The following TEX11 variants were observed in gnomAD, a reference collection of about 807,000 sequenced individuals.
The protein encoded by TEX11 is testis-expressed protein 11.
In TEX11, 7 loss-of-function variants were observed where a neutral mutation model predicts 84.4. The observed-to-expected ratio is 0.08, with a 90% CI of 0.05 to 0.16. The LOEUF is 0.16. Among genes scored for constraint, TEX11 ranks in the 10% least tolerant of loss-of-function variants. TEX11 has a pLI of 1.00. For missense variants in TEX11, 551 were observed against 660.5 expected (o/e 0.83, Z 1.82); for synonymous variants, 264 against 222.8 (o/e 1.18, Z -1.64).
Position 70,894,665 on chromosome X carries a change from A to G in TEX11, c.37+13088T>C, listed in dbSNP as rs777689604. Among the ~76,000 whole-genome samples, 4 of 110,758 alleles carry G rather than the reference A, an allele frequency of 3.6e-5. No individual in the cohort carries two copies. The South Asian group carries it at 1.5e-3, about 43-fold the overall frequency. The stretch of plus-strand genomic sequence containing the variant: ...ACTGGCAAACCAAATCCAGCAGCAC[A>G]TCAAAAAGGCTTATCCACCACGATC... On this transcript the variant is annotated intron_variant, in intron 2 of 29. Coordinates refer to ENST00000374333, the MANE Select transcript of TEX11 (RefSeq NM_031276.3).
chrX:70,784,481 G>A (rs888090608), intron 9 of TEX11, among the ~76,000 whole-genome samples: 17 of 111,505 alleles, frequency 1.5e-4, no homozygotes, highest in Admixed American at 1.4e-3. Context: ...TCTGGCTAGG[G>A]CAATTAGGCA....
rs757641244 is a variant in TEX11 at position 70,761,265 on chromosome X, T to C, written c.693-17046A>G. On this transcript the variant is annotated intron_variant, in intron 9 of 29. Coordinates refer to ENST00000374333, the MANE Select transcript of TEX11 (RefSeq NM_031276.3). ...CCCAGCCATCCCATTAGTGGGTATA[T>C]ACCCAAAGGATTATAAATCACGCTA... Among the ~76,000 whole-genome samples the C allele has an allele frequency of 4.8e-4, 54 of 112,148 alleles. 2 individuals are homozygous for C. Among genetic ancestry groups the C allele is most frequent in the Non-Finnish European group, 9.4e-5 (5 of 53,268 alleles).
chrX:70,645,289 T>C (rs1331244930), intron 17 of TEX11, among the ~76,000 whole-genome samples: 2 of 103,680 alleles, frequency 1.9e-5, no homozygotes, highest in Non-Finnish European at 4.0e-5. Flanking sequence ...TTCCATGATT[T>C]AAAAAAAAAA....
rs2089423767 is a variant in TEX11, at chrX:70,623,990, G to C, written c.1711C>G (p.Leu571Val). The C allele has an allele frequency of 8.3e-7, 1 of 1,205,224 alleles. No homozygotes were observed. Among genetic ancestry groups the C allele is most frequent in the East Asian group, 3.0e-5 (1 of 33,600 alleles). Reference sequence around the variant, plus strand: ...GGCATTTCAGCAATTTTTGGAAGAAGAAAACGAAGCAAACACCTGTATGAC... The same window carrying C: ...GGCATTTCAGCAATTTTTGGAAGAACAAAACGAAGCAAACACCTGTATGAC... ...LTAVKCLLRF[L>V]LPKIAEMPES... Residue 571 changes from leucine (L) to valine (V), a missense_variant, in exon 20 of 30, where the codon CTT becomes GTT. Transcript: ENST00000374333.
chrX:70,705,571 G>A (rs1172020520), intron 13 of TEX11, among the ~76,000 whole-genome samples: 1 of 111,316 alleles, frequency 9.0e-6, no homozygotes, highest in Non-Finnish European at 1.9e-5. Flanking sequence ...CTGACAAAGG[G>A]CTAATATCCA....
chrX:70,552,204 C>T lies in TEX11; in HGVS notation c.2442G>A (p.Gly814=), dbSNP rs1479776809. 8.3e-7 allele frequency: 1 copy of T among 1,210,512 alleles called. No homozygotes were observed. The highest frequency in any genetic ancestry group is 1.1e-6 in the Non-Finnish European group (1 of 895,006). ...HNLVNLSVPD[G]ASNVELCPLE... is the part of the protein sequence containing the mutation. The stretch of plus-strand genomic sequence containing the variant: ...GGGGACAGAGCTCTACATTCGACGC[C>T]CCATCTGGCACTGAGAGGTTAACCA... Residue 814 remains glycine (G), a synonymous_variant, in exon 28 of 30, where the codon GGG becomes GGA. Coordinates refer to ENST00000374333, the MANE Select transcript of TEX11 (RefSeq NM_031276.3).
At chrX:70,734,200 G>A (rs1466858016) in intron 11 of TEX11, among the ~76,000 whole-genome samples, 3 of 110,340 alleles carry the variant, frequency 2.7e-5, no homozygotes, top group African/African-American at 9.9e-5. Context: ...TATACCTAAT[G>A]TTAAATGACG....
At chrX:70,616,399 A>G (rs1252355257) in intron 20 of TEX11, among the ~76,000 whole-genome samples, 1 of 111,816 alleles carries the variant, frequency 8.9e-6, no homozygotes, top group Non-Finnish European at 1.9e-5. Context: ...GTTAAAAGAT[A>G]TTATTTGCAA....
intron 2 of TEX11, among the ~76,000 whole-genome samples, chrX:70,906,657 C>T (rs1031134719): frequency 6.3e-4 from 70 of 110,313 alleles, no homozygotes; most frequent in Non-Finnish European, 3.4e-4. Context: ...CATGGTGGCG[C>T]GGGCCTGTAG....
At chrX:70,713,088 T>G (rs1569414465) in intron 13 of TEX11, among the ~76,000 whole-genome samples, 1 of 111,978 alleles carries the variant, frequency 8.9e-6, no homozygotes, top group Non-Finnish European at 1.9e-5. Context: ...TATGCTGGAT[T>G]ACGTTTATTG....
At chrX:70,753,041 C>A (rs889343128) in intron 9 of TEX11, among the ~76,000 whole-genome samples, 1 of 110,319 alleles carries the variant, frequency 9.1e-6, no homozygotes, top group African/African-American at 3.3e-5. Flanking sequence ...ATTGCTGATC[C>A]TAGCAGTCAG....
chrX:70,529,930 T>C lies in TEX11; in HGVS notation c.2590A>G (p.Ser864Gly), dbSNP rs1484882277. 20 of 1,211,496 alleles carry C rather than the reference T, an allele frequency of 1.7e-5. No homozygotes were observed. ...KSWNTGVLMF[S>G]RSKYASAEKW... Reference sequence around the variant, plus strand: ...TCAGCAGATGCATACTTGCTCCTGCTAAACATAAGTACTCCGGTATTCCAG... The same window carrying C: ...TCAGCAGATGCATACTTGCTCCTGCCAAACATAAGTACTCCGGTATTCCAG... The change falls in exon 29 of 30, where the codon AGC becomes GGC. Residue 864 changes from serine (S) to glycine (G), a missense_variant. Coordinates refer to ENST00000374333, the MANE Select transcript of TEX11 (RefSeq NM_031276.3).
chrX:70,704,742 T>C (rs183378513), intron 13 of TEX11, among the ~76,000 whole-genome samples: 85 of 111,192 alleles, frequency 7.6e-4, no homozygotes, highest in South Asian at 5.8e-3. Flanking sequence ...CCATTTCCTA[T>C]TCTGGAATCT....
At chrX:70,557,112 G>T (rs972945612) in intron 25 of TEX11, among the ~76,000 whole-genome samples, 9 of 109,668 alleles carry the variant, frequency 8.2e-5, no homozygotes, top group Non-Finnish European at 1.7e-4. Flanking sequence ...CAATGAGTAA[G>T]CTGAAAATAA....
At chrX:70,641,276 G>C (rs1286868984) in intron 17 of TEX11, among the ~76,000 whole-genome samples, 1 of 111,100 alleles carries the variant, frequency 9.0e-6, no homozygotes, top group Admixed American at 9.6e-5. Flanking sequence ...AGCAAGTCCT[G>C]AGTGACCTAC....
At chrX:70,624,115 A>G in intron 19 of TEX11, 109 bp from the exon 20 acceptor site, 1 of 479,908 alleles carries the variant, frequency 2.1e-6, no homozygotes, top group South Asian at 6.2e-5. Flanking sequence ...GAGAAGTGAG[A>G]AAAGAGAGGG....
At chrX:70,678,915 A>G in intron 14 of TEX11, 26 bp from the exon 15 acceptor site, 5 of 1,149,173 alleles carry the variant, frequency 4.4e-6, no homozygotes, top group Non-Finnish European at 5.9e-6. Context: ...AGCTCTGAAA[A>G]TAAGAATCTC....
At chrX:70,786,251 T>A (rs1361453013) in intron 9 of TEX11, among the ~76,000 whole-genome samples, 1 of 110,902 alleles carries the variant, frequency 9.0e-6, no homozygotes, top group Non-Finnish European at 1.9e-5. Context: ...TTCTCACTCA[T>A]AGGTGGGAAT....
chrX:70,887,892 G>GA (rs201935006), intron 2 of TEX11, among the ~76,000 whole-genome samples: 3,518 of 111,251 alleles, frequency 0.032, 112 homozygotes, highest in South Asian at 0.15. Flanking sequence ...GAACAGAGAG[G>GA]GAGACTCTGG....
Sources: gnomAD v4.1 joint callset for allele counts (sites outside exome capture counted in the v4.1 genomes callset) on GRCh38, gnomAD v4.1.1 for gene constraint, MANE v1.5 for transcripts, NCBI Gene and HGNC (gene_info 2026-07-23, HGNC 2026-07-21) for gene names.